Variants in CTIF observed in about 807,000 individuals in gnomAD.
The protein encoded by CTIF is CBP80/20-dependent translation initiation factor.
CTIF carries 21 observed loss-of-function variants against 66.0 expected under a neutral mutation model. The observed-to-expected ratio is 0.32, with a 90% CI of 0.23 to 0.46. CTIF has a LOEUF of 0.46. Among genes scored for constraint, CTIF ranks in the 20% least tolerant of loss-of-function variants. CTIF has a pLI of 1.00. For missense variants in CTIF, 739 were observed against 812.7 expected, an observed-to-expected ratio of 0.91 and a Z score of 1.10; for synonymous variants, 345 against 326.4, an observed-to-expected ratio of 1.06 and a Z score of -0.62.
At chr18:48,593,328 CTCATTATTGTCA>C (rs2089925970) in intron 1 of CTIF, among the ~76,000 whole-genome samples, 1 of 152,052 alleles carries the variant, frequency 6.6e-6, no homozygotes. Flanking sequence ...CAAAATTATC[CTCATTATTGTCA>C]TCATTATTGA....
rs770217462 is a variant in CTIF, at chr18:48,859,811, G to A, written c.*252G>A. The A allele has an allele frequency of 1.4e-5, 9 of 653,574 alleles. No homozygotes were observed. Among genetic ancestry groups the A allele is most frequent in the African/African-American group, 1.2e-4 (7 of 56,152 alleles). 40.5% of individuals were successfully genotyped at this position (653,574 alleles called of 1,614,324 possible). On this transcript the variant is annotated 3_prime_UTR_variant, in exon 12 of 12. Transcript: ENST00000256413. ...GGGAAGCATGTTTCTTTTTCCTGGTGGCCCTGGCCCTCCCCTTCCTCACTC... is the reference window on the plus strand; with the variant it reads ...GGGAAGCATGTTTCTTTTTCCTGGTAGCCCTGGCCCTCCCCTTCCTCACTC...
chr18:48,846,590 G>A (rs1318942852), intron 10 of CTIF, among the ~76,000 whole-genome samples: 1 of 151,596 alleles, frequency 6.6e-6, no homozygotes, highest in Admixed American at 6.6e-5. Flanking sequence ...TGGGTGGGTG[G>A]GTGGATGAAT....
intron 3 of CTIF, among the ~76,000 whole-genome samples, chr18:48,645,944 G>C (rs1428756524): frequency 1.3e-5 from 2 of 152,186 alleles, no homozygotes; most frequent in African/African-American, 4.8e-5. Context: ...AGTTAAAGCA[G>C]GAGGTTTAAA....
chr18:48,557,511 A>G (rs995897012), intron 1 of CTIF, among the ~76,000 whole-genome samples: 1 of 152,178 alleles, frequency 6.6e-6, no homozygotes, highest in Non-Finnish European at 1.5e-5. Flanking sequence ...TCCTGGGGAG[A>G]CAGCACAGCA....
chr18:48,721,465 C>T (rs6507863), intron 7 of CTIF, among the ~76,000 whole-genome samples: 152,317 of 152,318 alleles, frequency 1, 76,158 homozygotes, highest in Middle Eastern at 1. Flanking sequence ...CATTCCTCTC[C>T]GGAGCCCCAA....
intron 3 of CTIF, among the ~76,000 whole-genome samples, chr18:48,649,164 G>C (rs1320588099): frequency 1.3e-5 from 2 of 152,168 alleles, no homozygotes; most frequent in Non-Finnish European, 2.9e-5. Context: ...TGCGTCACCC[G>C]AGAAGCACAA....
chr18:48,749,310 T>A (rs1320776729), intron 7 of CTIF, among the ~76,000 whole-genome samples: 2 of 152,174 alleles, frequency 1.3e-5, no homozygotes, highest in African/African-American at 4.8e-5. Flanking sequence ...ATAAAGGAAG[T>A]CACTGAAGGT....
At chr18:48,851,080 G>C (rs1332267532) in intron 10 of CTIF, among the ~76,000 whole-genome samples, 1 of 152,260 alleles carries the variant, frequency 6.6e-6, no homozygotes, top group Admixed American at 6.5e-5. Flanking sequence ...AGAAAGATAA[G>C]GTTGGAAGGG....
At chr18:48,608,026 T>G (rs1469641737) in intron 1 of CTIF, among the ~76,000 whole-genome samples, 1 of 152,218 alleles carries the variant, frequency 6.6e-6, no homozygotes, top group Admixed American at 6.5e-5. Flanking sequence ...CCCTCATTTT[T>G]GTAGGCATAG....
chr18:48,608,620 A>G (rs777092087), intron 1 of CTIF, among the ~76,000 whole-genome samples: 3 of 152,136 alleles, frequency 2.0e-5, no homozygotes, highest in Non-Finnish European at 4.4e-5. Flanking sequence ...ATGAGTAGAG[A>G]GAAAGGGTTG....
intron 2 of CTIF, 41 bp from the exon 3 acceptor site, chr18:48,636,573 G>T: frequency 6.9e-7 from 1 of 1,457,158 alleles, no homozygotes; most frequent in Non-Finnish European, 9.1e-7. Context: ...GCATGGGCCT[G>T]GCTGTCCTGC....
intron 1 of CTIF, among the ~76,000 whole-genome samples, chr18:48,571,435 C>T (rs1319712251): frequency 2.0e-5 from 3 of 152,182 alleles, no homozygotes; most frequent in African/African-American, 4.8e-5. Context: ...GGATTACAGG[C>T]GTGAGCCACC....
At chr18:48,609,862 G>A (rs907989894) in intron 1 of CTIF, among the ~76,000 whole-genome samples, 13 of 152,236 alleles carry the variant, frequency 8.5e-5, no homozygotes, top group Non-Finnish European at 1.5e-4. Context: ...ATGGGAAGAG[G>A]TTTGGAGTCC....
intron 1 of CTIF, among the ~76,000 whole-genome samples, chr18:48,591,381 A>G (rs887832693): frequency 2.6e-5 from 4 of 152,216 alleles, no homozygotes; most frequent in Non-Finnish European, 5.9e-5. Context: ...AGCAGGACAC[A>G]TGGGAGAAGA....
intron 2 of CTIF, among the ~76,000 whole-genome samples, chr18:48,633,701 CAATAAATA>C (rs59134064): frequency 0.067 from 9,762 of 145,962 alleles, 391 homozygotes; most frequent in South Asian, 0.13. Context: ...GCCTCCATCT[CAATAAATA>C]AATAAATAAA....
chr18:48,565,044 C>A (rs2143534419), intron 1 of CTIF: 1 of 152,286 alleles, frequency 6.6e-6, no homozygotes, highest in South Asian at 2.1e-4. Flanking sequence ...CATATTAAGT[C>A]AATTTCCTCC....
At chr18:48,588,503 C>A (rs879850086) in intron 1 of CTIF, among the ~76,000 whole-genome samples, 48 of 152,314 alleles carry the variant, frequency 3.2e-4, no homozygotes, top group African/African-American at 1.1e-3. Context: ...ATCTAGCTCG[C>A]GATCCTCATC....
chr18:48,627,920 AT>A (rs1475557526), intron 2 of CTIF, among the ~76,000 whole-genome samples: 1 of 152,046 alleles, frequency 6.6e-6, no homozygotes, highest in Non-Finnish European at 1.5e-5. Flanking sequence ...GTCAAACGGG[AT>A]CCCTCTGAAT....
At position 48,704,849 on chromosome 18, in the gene CTIF, C is replaced by G. The variant is rs9964352; in HGVS notation, c.508-6770C>G. Among the ~76,000 whole-genome samples the G allele has an allele frequency of 8.4e-3, 1,276 of 152,282 alleles. 18 individuals are homozygous for G. Among genetic ancestry groups the G allele is most frequent in the African/African-American group, 0.028 (1,176 of 41,554 alleles). On this transcript the variant is annotated intron_variant, in intron 6 of 11. Coordinates refer to ENST00000256413, the MANE Select transcript of CTIF (RefSeq NM_014772.3). Reference sequence around the variant, plus strand: ...AGAATTTGGAGATCACACTTCAACCCATGACATCATCCAGAGGACCCTTGG... The same window carrying G: ...AGAATTTGGAGATCACACTTCAACCGATGACATCATCCAGAGGACCCTTGG...
Sources: allele counts gnomAD v4.1 joint callset (sites outside exome capture counted in the v4.1 genomes callset), GRCh38; gene constraint gnomAD v4.1.1; transcripts MANE v1.5; gene names NCBI Gene and HGNC (gene_info 2026-07-23, HGNC 2026-07-21).